Variants in SH2D4B observed in about 807,000 individuals in gnomAD.
SH2D4B encodes SH2 domain-containing protein 4B.
In SH2D4B, 45 loss-of-function variants were observed where a neutral mutation model predicts 61.5. The observed-to-expected ratio is 0.73, with a 90% CI of 0.58 to 0.94. The LOEUF (loss-of-function observed/expected upper bound fraction) is 0.94. SH2D4B is among the 40% of genes least tolerant of loss of function. SH2D4B has a pLI of 0.00. For synonymous variants in SH2D4B, 224 were observed against 220.4 expected (o/e 1.02, Z -0.14); for missense variants, 572 against 574.2 (o/e 1.00, Z 0.04).
intron 7 of SH2D4B, among the ~76,000 whole-genome samples, chr10:80,640,206 C>T (rs1268931891): frequency 4.6e-5 from 7 of 152,248 alleles, no homozygotes; most frequent in Admixed American, 4.6e-4. Flanking sequence ...CCTTTCTCTC[C>T]CGCTGCCCTT....
At chr10:80,572,438 CT>C (rs1206967685) in intron 3 of SH2D4B, among the ~76,000 whole-genome samples, 3 of 152,126 alleles carry the variant, frequency 2.0e-5, no homozygotes, top group Non-Finnish European at 4.4e-5. Context: ...TGATCTTATG[CT>C]GCTAGAAGCC....
intron 1 of SH2D4B, among the ~76,000 whole-genome samples, chr10:80,547,987 C>G (rs1038862472): frequency 3.9e-5 from 6 of 152,120 alleles, no homozygotes; most frequent in African/African-American, 1.4e-4. Context: ...TGACACAGGG[C>G]TGTCCACCTG....
chr10:80,574,201 A>G (rs769645471), intron 3 of SH2D4B, among the ~76,000 whole-genome samples: 3 of 152,326 alleles, frequency 2.0e-5, no homozygotes, highest in Admixed American at 1.3e-4. Flanking sequence ...CAGTGGCACA[A>G]TCTCAGCTCA....
rs7918372 is a variant in SH2D4B at position 80,542,564 on chromosome 10, A to G, written c.184+4049A>G. On this transcript the variant is annotated intron_variant, in intron 1 of 7. Transcript: ENST00000646907. ...AGGCGCCCACCACCACAACCAGCTA[A>G]TTTTTGTATTTAATAGAGACATGGT... Among the ~76,000 whole-genome samples, 1,187 of 151,588 alleles carry G rather than the reference A, an allele frequency of 7.8e-3. 8 individuals are homozygous for G. The highest frequency in any genetic ancestry group is 0.025 in the African/African-American group (1,048 of 41,256).
intron 1 of SH2D4B, among the ~76,000 whole-genome samples, chr10:80,554,502 G>A (rs1409352594): frequency 2.0e-5 from 3 of 152,140 alleles, no homozygotes; most frequent in African/African-American, 2.4e-5. Flanking sequence ...TGGTTCATGT[G>A]ATTGTGGGGC....
chr10:80,615,801 A>C (rs1021457905), intron 6 of SH2D4B, among the ~76,000 whole-genome samples: 2 of 152,208 alleles, frequency 1.3e-5, no homozygotes, highest in Non-Finnish European at 2.9e-5. Context: ...CCAGGCACTA[A>C]AAATTCGTGT....
At chr10:80,602,486 A>G (rs187607143) in intron 4 of SH2D4B, among the ~76,000 whole-genome samples, 5 of 152,278 alleles carry the variant, frequency 3.3e-5, no homozygotes, top group Admixed American at 1.3e-4. Flanking sequence ...ATACACATCT[A>G]TTAATATATG....
At chr10:80,592,274 A>G (rs1842338167) in intron 4 of SH2D4B, among the ~76,000 whole-genome samples, 1 of 152,168 alleles carries the variant, frequency 6.6e-6, no homozygotes. Flanking sequence ...TATTTTGGAT[A>G]TTAATTTCTT....
At position 80,570,216 on chromosome 10, in the gene SH2D4B, A is replaced by G. The variant is rs200521688; in HGVS notation, c.247A>G (p.Met83Val). 62 of 1,614,050 alleles carry G rather than the reference A, an allele frequency of 3.8e-5. No homozygotes were observed. The Middle Eastern group carries it at 6.6e-4, about 17-fold the overall frequency. The change falls in exon 2 of 8, where the codon ATG (methionine) becomes GTG (valine). Residue 83 changes from methionine (M) to valine (V), a missense_variant. By Grantham distance (21) the Met-to-Val change is conservative. Coordinates refer to ENST00000646907, the MANE Select transcript of SH2D4B (RefSeq NM_001388272.1). ...AGATGGCGAGGTCTGGGTCTGGATC[A>G]TGGGAGAAGGCCCTGGTGACAAGCC... ...GADGEVWVWIMGEGPGDKPYE... is the reference protein window; with the variant it reads ...GADGEVWVWIVGEGPGDKPYE...
At chr10:80,638,271 G>T (rs1280932303) in intron 7 of SH2D4B, among the ~76,000 whole-genome samples, 1 of 152,190 alleles carries the variant, frequency 6.6e-6, no homozygotes, top group African/African-American at 2.4e-5. Context: ...TCTCTGCCAG[G>T]CTTTGGTATC....
intron 1 of SH2D4B, chr10:80,540,853 TG>T (rs1344268894): frequency 1.3e-6 from 2 of 1,551,336 alleles, no homozygotes; most frequent in South Asian, 1.2e-5. Context: ...GCGGGAATTG[TG>T]CGGGGACGGG....
At chr10:80,642,445 G>T (rs1345800052) in intron 7 of SH2D4B, among the ~76,000 whole-genome samples, 2 of 152,178 alleles carry the variant, frequency 1.3e-5, no homozygotes, top group Non-Finnish European at 2.9e-5. Flanking sequence ...AGTAAAGTGG[G>T]TTTAATAGTA....
At chr10:80,637,559 G>A (rs1840205862) in intron 7 of SH2D4B, among the ~76,000 whole-genome samples, 2 of 152,172 alleles carry the variant, frequency 1.3e-5, no homozygotes, top group Non-Finnish European at 1.5e-5. Flanking sequence ...ATGAATGGGA[G>A]TTCACTCATG....
intron 6 of SH2D4B, among the ~76,000 whole-genome samples, chr10:80,611,944 A>G (rs952771454): frequency 6.6e-6 from 1 of 152,210 alleles, no homozygotes; most frequent in Non-Finnish European, 1.5e-5. Context: ...ATTTTGTGAC[A>G]GAATTTTCAC....
chr10:80,636,024 C>T (rs1840159211), intron 7 of SH2D4B, among the ~76,000 whole-genome samples: 1 of 152,152 alleles, frequency 6.6e-6, no homozygotes, highest in African/African-American at 2.4e-5. Flanking sequence ...GTTCACTTCC[C>T]ACCTATGAGT....
intron 4 of SH2D4B, among the ~76,000 whole-genome samples, chr10:80,598,169 A>G (rs1315878751): frequency 2.0e-5 from 3 of 152,186 alleles, no homozygotes; most frequent in African/African-American, 7.2e-5. Flanking sequence ...CAGTTTCCTC[A>G]TTTGTAAAAT....
At chr10:80,576,955 A>G (rs1284509300) in intron 3 of SH2D4B, among the ~76,000 whole-genome samples, 2 of 152,074 alleles carry the variant, frequency 1.3e-5, no homozygotes, top group African/African-American at 4.8e-5. Flanking sequence ...TTTAGTAGAG[A>G]CAGGTTTCAC....
intron 1 of SH2D4B, among the ~76,000 whole-genome samples, chr10:80,558,627 G>A (rs1355644898): frequency 2.0e-5 from 3 of 152,090 alleles, no homozygotes; most frequent in South Asian, 2.1e-4. Flanking sequence ...CTACAGGTGC[G>A]TACCACCACA....
chr10:80,553,273 A>C (rs1183690217), intron 1 of SH2D4B, among the ~76,000 whole-genome samples: 2 of 152,160 alleles, frequency 1.3e-5, no homozygotes, highest in African/African-American at 4.8e-5. Flanking sequence ...TCTGGGCACC[A>C]TGGTGGGATT....
Sources: gnomAD v4.1 joint callset for allele counts (sites outside exome capture counted in the v4.1 genomes callset) on GRCh38, gnomAD v4.1.1 for gene constraint, MANE v1.5 for transcripts, NCBI Gene and HGNC (gene_info 2026-07-23, HGNC 2026-07-21) for gene names.